Variants in SHQ1 observed in about 807,000 individuals in gnomAD.
SHQ1 encodes SHQ1, H/ACA ribonucleoprotein assembly factor.
Under a neutral mutation model 53.8 loss-of-function variants are expected in SHQ1, and 49 were observed. The observed-to-expected ratio is 0.91, with a 90% CI of 0.72 to 1.16. SHQ1 has a LOEUF of 1.16. Among genes scored for constraint, SHQ1 ranks in the 50% most tolerant of loss-of-function variants. SHQ1 has a pLI of 0.00. For synonymous variants in SHQ1, 243 were observed against 251.0 expected (o/e 0.97, Z 0.30); for missense variants, 738 against 683.1 (o/e 1.08, Z -0.90).
the SHQ1 span, among the ~76,000 whole-genome samples, chr3:72,731,946 G>C: frequency 6.6e-6 from 1 of 151,538 alleles, no homozygotes; most frequent in African/African-American, 2.4e-5. Context: ...ACCTCAGAAA[G>C]GCCCTTCTTC....
intron 10 of SHQ1, among the ~76,000 whole-genome samples, chr3:72,774,319 C>T (rs1368839795): frequency 6.6e-6 from 1 of 152,110 alleles, no homozygotes; most frequent in East Asian, 1.9e-4. Flanking sequence ...AAAAAACAAA[C>T]AGCCCAACCA....
At chr3:72,788,701 AGACAT>A (rs1399748405) in intron 10 of SHQ1, among the ~76,000 whole-genome samples, 1 of 152,200 alleles carries the variant, frequency 6.6e-6, no homozygotes, top group African/African-American at 2.4e-5. Flanking sequence ...AGAAAGAAGT[AGACAT>A]AGGAGACTCC....
Position 72,815,351 on chromosome 3 carries a change from T to A in SHQ1, c.935A>T (p.Glu312Val). The change falls in exon 8 of 11, where the codon GAG becomes GTG. Residue 312 changes from glutamate (E) to valine (V), a missense_variant and splice_region_variant. Coordinates refer to ENST00000325599, the MANE Select transcript of SHQ1 (RefSeq NM_018130.3). ...AACAATTGCAACTGGAAATCATACC[T>A]CAAACCAGCATAGTGTTGGACTCAG... ...RKLSPTLCWF[E>V]TWTNVHDIMV... 3 of 1,612,898 alleles carry A rather than the reference T, an allele frequency of 1.9e-6. No individual in the cohort carries two copies. The highest frequency in any genetic ancestry group is 2.5e-6 in the Non-Finnish European group (3 of 1,179,248).
At chr3:72,832,157 A>G (rs1454585948) in intron 5 of SHQ1, among the ~76,000 whole-genome samples, 1 of 152,254 alleles carries the variant, frequency 6.6e-6, no homozygotes, top group Non-Finnish European at 1.5e-5. Context: ...TCTGTTGCTA[A>G]GATGAACAAC....
At chr3:72,754,361 GTTC>G (rs1417668509) in intron 10 of SHQ1, among the ~76,000 whole-genome samples, 2 of 150,986 alleles carry the variant, frequency 1.3e-5, no homozygotes, top group Admixed American at 6.6e-5. Flanking sequence ...TCTGCAAAGT[GTTC>G]TTCTCTTCTT....
At chr3:72,843,161 T>C (rs1483330474) in intron 2 of SHQ1, among the ~76,000 whole-genome samples, 1 of 152,046 alleles carries the variant, frequency 6.6e-6, no homozygotes, top group Non-Finnish European at 1.5e-5. Flanking sequence ...ACTGATAATA[T>C]TAAAAATCCA....
intron 9 of SHQ1, among the ~76,000 whole-genome samples, chr3:72,796,510 A>C (rs1333659865): frequency 2.6e-5 from 4 of 152,194 alleles, no homozygotes. Context: ...AAAAATAAGA[A>C]TAACAATGAA....
chr3:72,756,997 A>G (rs1053713932), intron 10 of SHQ1, among the ~76,000 whole-genome samples: 1 of 152,250 alleles, frequency 6.6e-6, no homozygotes, highest in African/African-American at 2.4e-5. Context: ...CAACCAAAAC[A>G]AAATGCAAAA....
chr3:72,847,196 C>T (rs917977499), intron 1 of SHQ1, among the ~76,000 whole-genome samples: 3 of 152,134 alleles, frequency 2.0e-5, no homozygotes, highest in African/African-American at 7.2e-5. Context: ...TGCAATAATT[C>T]AAATACGGAC....
At chr3:72,752,155 A>T (rs527816040) in intron 10 of SHQ1, among the ~76,000 whole-genome samples, 1 of 152,344 alleles carries the variant, frequency 6.6e-6, no homozygotes, top group South Asian at 2.1e-4. Flanking sequence ...CAATGAATGA[A>T]GCTCTCCATG....
chr3:72,741,526 C>T, the SHQ1 span, among the ~76,000 whole-genome samples: 1 of 151,774 alleles, frequency 6.6e-6, no homozygotes. Context: ...GCGGAGGTTG[C>T]AGTGAGCTGA....
chr3:72,793,083 T>C, intron 9 of SHQ1, 47 bp from the exon 10 acceptor site: 2 of 1,521,558 alleles, frequency 1.3e-6, no homozygotes, highest in Non-Finnish European at 1.8e-6. Context: ...GAAAAAGAAA[T>C]TCAGACCCTG....
chr3:72,837,178 C>T (rs1277060124), intron 4 of SHQ1, among the ~76,000 whole-genome samples: 2 of 152,056 alleles, frequency 1.3e-5, no homozygotes, highest in African/African-American at 4.8e-5. Flanking sequence ...TCCAAAGGCA[C>T]CCTGGTGGCT....
intron 9 of SHQ1, chr3:72,809,925 C>CTCCA (rs923488815): frequency 2.0e-5 from 3 of 150,492 alleles, no homozygotes; most frequent in Admixed American, 1.3e-4. Context: ...CGCCACTGTA[C>CTCCA]TCCAGCCTTG....
At position 72,792,899 on chromosome 3, in the gene SHQ1, A is replaced by G. The variant is rs1706485858; in HGVS notation, c.1181+17T>C. ...GTGAACATCTAAAAATTCGTAAGTA[A>G]CTCTATGAAAACTTACTTGACTTTC... On this transcript the variant is annotated intron_variant, in intron 10 of 10. Transcript: ENST00000325599. 6.2e-7 allele frequency: 1 copy of G among 1,605,934 alleles called. No homozygotes were observed. Among genetic ancestry groups the G allele is most frequent in the African/African-American group, 1.3e-5 (1 of 74,538 alleles).
chr3:72,753,468 C>T (rs1559658172), intron 10 of SHQ1: 1 of 985,040 alleles, frequency 1.0e-6, no homozygotes, highest in Non-Finnish European at 1.2e-6. Context: ...GCAGGGATTG[C>T]CCCCCACCCC....
intron 10 of SHQ1, among the ~76,000 whole-genome samples, chr3:72,779,432 C>T (rs1706027829): frequency 1.3e-5 from 2 of 152,196 alleles, no homozygotes; most frequent in Admixed American, 1.3e-4. Context: ...TCAGCCATCT[C>T]TCGTGGCAGT....
At chr3:72,744,291 T>C (rs1158775621), downstream of SHQ1, among the ~76,000 whole-genome samples, 1 of 152,162 alleles carries the variant, frequency 6.6e-6, no homozygotes, top group Non-Finnish European at 1.5e-5. Flanking sequence ...AACATACCAC[T>C]ATGAACACTT....
intron 9 of SHQ1, 180 bp from the exon 10 acceptor site, chr3:72,793,216 T>C (rs1706496544): frequency 2.0e-6 from 1 of 503,698 alleles, no homozygotes; most frequent in Non-Finnish European, 3.4e-6. Flanking sequence ...AAGAATTACA[T>C]ACAATCTTTG....
Sources: allele counts gnomAD v4.1 joint callset (sites outside exome capture counted in the v4.1 genomes callset), GRCh38; gene constraint gnomAD v4.1.1; transcripts MANE v1.5; gene names NCBI Gene and HGNC (gene_info 2026-07-23, HGNC 2026-07-21).